The following GLTP variants were observed in gnomAD, a reference collection of about 807,000 sequenced individuals.
The protein encoded by GLTP is glycolipid transfer protein.
In GLTP, 22 loss-of-function variants were observed where a neutral mutation model predicts 24.0. The ratio of observed to expected loss-of-function variants is 0.92; its 90% confidence interval spans 0.65 to 1.31. GLTP has a LOEUF of 1.31. GLTP is among the 50% of genes most tolerant of loss of function. GLTP has a pLI of 0.00. For missense variants in GLTP, 224 were observed against 276.6 expected (o/e 0.81, Z 1.35); for synonymous variants, 92 against 115.9 (o/e 0.79, Z 1.33).
chr12:109,852,970 A>G (rs1393097498), intron 4 of GLTP, among the ~76,000 whole-genome samples: 2 of 152,204 alleles, frequency 1.3e-5, no homozygotes, highest in Non-Finnish European at 2.9e-5. Flanking sequence ...TGGGCCATCA[A>G]CTAGCTGTGA....
chr12:109,863,771 G>A (rs908770407), intron 1 of GLTP, among the ~76,000 whole-genome samples: 4 of 152,236 alleles, frequency 2.6e-5, no homozygotes, highest in African/African-American at 4.8e-5. Flanking sequence ...CACTGACCAC[G>A]ATTGTTTTTA....
At chr12:109,869,121 G>A (rs1342096532) in intron 1 of GLTP, among the ~76,000 whole-genome samples, 1 of 151,968 alleles carries the variant, frequency 6.6e-6, no homozygotes, top group Non-Finnish European at 1.5e-5. Flanking sequence ...CCAACATAGT[G>A]TGAACCCGTT....
chr12:109,856,519 A>G (rs1269280006), intron 3 of GLTP, among the ~76,000 whole-genome samples: 1 of 152,284 alleles, frequency 6.6e-6, no homozygotes, highest in Non-Finnish European at 1.5e-5. Flanking sequence ...GCTCAGTCAC[A>G]GGCCAGGATG....
chr12:109,864,540 T>C (rs1310589340), intron 1 of GLTP, among the ~76,000 whole-genome samples: 1 of 152,170 alleles, frequency 6.6e-6, no homozygotes, highest in Non-Finnish European at 1.5e-5. Flanking sequence ...TGTTTCAACA[T>C]CACCCACCCA....
chr12:109,858,836 T>C, intron 1 of GLTP, 95 bp from the exon 2 acceptor site: 1 of 846,556 alleles, frequency 1.2e-6, no homozygotes, highest in African/African-American at 1.7e-5. Context: ...GTGGATTACA[T>C]GGTGTGTCCC....
chr12:109,857,398 A>T lies in GLTP; in HGVS notation c.296+128T>A. On this transcript the variant is annotated intron_variant, in intron 3 of 4. Transcript: ENST00000318348. The surrounding 1 kb of genome is among the most constrained non-coding windows in gnomAD (Gnocchi z 4.3). ...ATTGGGAGGCCTTTTCCCAGCCATT[A>T]ACTAGCATCACACTGGAAGGGCTCG... The T allele has an allele frequency of 9.6e-7, 1 of 1,041,922 alleles. No individual in the cohort carries two copies. The highest frequency in any genetic ancestry group is 1.4e-6 in the Non-Finnish European group (1 of 709,370). 64.5% of individuals were successfully genotyped at this position (1,041,922 alleles called of 1,614,324 possible). A position where few individuals can be genotyped will look rare whatever the true frequency, so the allele number is the denominator to read the frequency against.
intron 1 of GLTP, among the ~76,000 whole-genome samples, chr12:109,861,061 A>G (rs1868356938): frequency 6.6e-6 from 1 of 152,122 alleles, no homozygotes; most frequent in South Asian, 2.1e-4. Context: ...GGTGGGTGCC[A>G]ATCCCACGGG....
Position 109,880,422 on chromosome 12 carries a change from C to A in GLTP, c.-48G>T. On this transcript the variant is annotated 5_prime_UTR_variant, in exon 1 of 5. Transcript: ENST00000318348. This position sits in a 1 kb window ranked among gnomAD's most constrained non-coding sequence, Gnocchi z 5.1. ...ATGCCCCAGCCGGCGCCGCGGGCGT[C>A]GACACCGCCCCCCCGGCCGCCGCCG... The A allele has an allele frequency of 2.3e-6, 2 of 875,824 alleles. No individual in the cohort carries two copies. Among genetic ancestry groups the A allele is most frequent in the Non-Finnish European group, 3.1e-6 (2 of 637,604 alleles). The allele number at this position is 875,824 out of a possible 1,614,324, so 54.3% of individuals were successfully genotyped here.
Position 109,874,783 on chromosome 12 carries a change from G to A in GLTP, c.103+5489C>T, listed in dbSNP as rs553473782. Among the ~76,000 whole-genome samples, 13 of 152,186 alleles carry A rather than the reference G, an allele frequency of 8.5e-5. No individual in the cohort carries two copies. In the South Asian group the frequency reaches 2.1e-3, roughly 24 times the overall value. The stretch of plus-strand genomic sequence containing the variant: ...TAGTTTAGTTGATTTATTTTGAGAC[G>A]GAGTCTCACTCTGCTGCCCAGGCTG... On this transcript the variant is annotated intron_variant, in intron 1 of 4. Coordinates refer to ENST00000318348, the MANE Select transcript of GLTP (RefSeq NM_016433.4).
intron 1 of GLTP, chr12:109,866,509 C>G (rs1024319003): frequency 6.6e-6 from 1 of 152,226 alleles, no homozygotes; most frequent in Non-Finnish European, 1.5e-5. Context: ...CTGTGCCTGG[C>G]TCTCAAATAT....
At chr12:109,861,488 G>A (rs1264602793) in intron 1 of GLTP, among the ~76,000 whole-genome samples, 9 of 152,184 alleles carry the variant, frequency 5.9e-5, no homozygotes, top group Non-Finnish European at 1.2e-4. Context: ...AGTAGCTCAC[G>A]CCTGTAATCC....
chr12:109,878,611 AAAC>A (rs979851946), intron 1 of GLTP, among the ~76,000 whole-genome samples: 18 of 152,194 alleles, frequency 1.2e-4, no homozygotes, highest in African/African-American at 2.4e-4. Flanking sequence ...AGCAAAAAAA[AAAC>A]AACAACAACC....
intron 1 of GLTP, among the ~76,000 whole-genome samples, chr12:109,869,317 A>G (rs867999143): frequency 1.1e-4 from 15 of 136,780 alleles, no homozygotes; most frequent in East Asian, 2.2e-4. Flanking sequence ...AAAAAAAAAA[A>G]AAAGAAAGAA....
chr12:109,878,989 G>A (rs866979186), intron 1 of GLTP, among the ~76,000 whole-genome samples: 2 of 152,132 alleles, frequency 1.3e-5, no homozygotes, highest in Admixed American at 6.5e-5. Context: ...TTACGGCCTC[G>A]GTACTTTACA....
intron 1 of GLTP, among the ~76,000 whole-genome samples, chr12:109,862,770 G>A (rs1868406651): frequency 6.6e-6 from 1 of 150,614 alleles, no homozygotes; most frequent in Admixed American, 6.7e-5. Context: ...TTAAAATGTG[G>A]GCCAGGCGCA....
intron 1 of GLTP, among the ~76,000 whole-genome samples, chr12:109,864,641 G>A (rs555290918): frequency 4.7e-4 from 71 of 152,264 alleles, no homozygotes; most frequent in African/African-American, 1.7e-3. Flanking sequence ...ACTCCAGGGA[G>A]TGCCAGGAAC....
rs192637829 is a variant in GLTP, at chr12:109,877,132, G to A, written c.103+3140C>T. 5.9e-3 allele frequency among the ~76,000 whole-genome samples: 896 copies of A among 152,310 alleles called. 3 individuals are homozygous for A. Among genetic ancestry groups the A allele is most frequent in the Middle Eastern group, 0.01 (3 of 294 alleles). ...GCCTCCCAAAGTACTGGGATTACAG[G>A]CGTGAGCCACCGCACCAGCCCATAC... On this transcript the variant is annotated intron_variant, in intron 1 of 4. Transcript: ENST00000318348.
chr12:109,869,169 G>A (rs1020307782), intron 1 of GLTP, among the ~76,000 whole-genome samples: 2 of 151,702 alleles, frequency 1.3e-5, no homozygotes, highest in Admixed American at 6.6e-5. Context: ...GCATGGTGGT[G>A]CACGTCTGTA....
chr12:109,860,942 T>C (rs1021528524), intron 1 of GLTP, among the ~76,000 whole-genome samples: 1 of 152,154 alleles, frequency 6.6e-6, no homozygotes, highest in African/African-American at 2.4e-5. Flanking sequence ...TGAAGACAGA[T>C]TACCGGGCTT....
Sources: gnomAD v4.1 joint callset for allele counts (sites outside exome capture counted in the v4.1 genomes callset) on GRCh38, gnomAD v4.1.1 for gene constraint, Gnocchi (gnomAD v3.1) non-coding constraint, MANE v1.5 for transcripts, NCBI Gene and HGNC (gene_info 2026-07-23, HGNC 2026-07-21) for gene names.